Variants in GDPD4 observed in about 807,000 individuals in gnomAD.
GDPD4 encodes glycerophosphodiester phosphodiesterase domain containing 4.
In GDPD4, 60 loss-of-function variants were observed where a neutral mutation model predicts 67.8. The ratio of observed to expected loss-of-function variants is 0.88; its 90% CI spans 0.72 to 1.10. The LOEUF (loss-of-function observed/expected upper bound fraction) is 1.10. GDPD4 is among the 50% of genes least tolerant of loss of function. The pLI, the probability that GDPD4 is intolerant of heterozygous loss-of-function variation, is 0.00. For missense variants in GDPD4, 623 were observed against 613.9 expected (o/e 1.01, Z -0.16); for synonymous variants, 212 against 210.9 (o/e 1.00, Z -0.04).
chr11:77,250,876 G>A (rs1195925789), intron 11 of GDPD4, among the ~76,000 whole-genome samples: 1 of 151,986 alleles, frequency 6.6e-6, no homozygotes, highest in East Asian at 1.9e-4. Context: ...ACATCTTCTT[G>A]GTGAATTGAT....
At chr11:77,268,779 C>T in intron 9 of GDPD4, 145 bp downstream of exon 9, 2 of 892,288 alleles carry the variant, frequency 2.2e-6, no homozygotes, top group Non-Finnish European at 3.5e-6. Context: ...GATTCAAGTC[C>T]AGCCTTTACA....
chr11:77,223,243 C>G (rs908266025), intron 16 of GDPD4, among the ~76,000 whole-genome samples: 2 of 152,210 alleles, frequency 1.3e-5, no homozygotes, highest in African/African-American at 4.8e-5. Context: ...CATTCTCCAT[C>G]CAGCTTTGTT....
intron 11 of GDPD4, among the ~76,000 whole-genome samples, chr11:77,247,206 A>G (rs1227759177): frequency 2.6e-5 from 4 of 152,166 alleles, no homozygotes; most frequent in Admixed American, 2.6e-4. Flanking sequence ...TTTAGATCTG[A>G]TTGAAAGCTA....
Position 77,227,851 on chromosome 11 carries a change from CCT to C in GDPD4, c.1525+11_1525+12del. On this transcript the variant is annotated intron_variant, in intron 16 of 16. Coordinates refer to ENST00000315938, the MANE Select transcript of GDPD4 (RefSeq NM_182833.3). The stretch of plus-strand genomic sequence containing the variant: ...GATGAAGAGACAGGAGTGGGCTAGG[CCT>C]CTGACTTTACCTGTGCGAGTGCTGG... The C allele has an allele frequency of 6.2e-7, 1 of 1,604,740 alleles. No homozygotes were observed. The highest frequency in any genetic ancestry group is 8.5e-7 in the Non-Finnish European group (1 of 1,171,770).
At chr11:77,243,420 A>C (rs1000616585) in intron 13 of GDPD4, among the ~76,000 whole-genome samples, 2 of 151,986 alleles carry the variant, frequency 1.3e-5, no homozygotes, top group Non-Finnish European at 2.9e-5. Flanking sequence ...CAAGCATACA[A>C]AAAAGTGTAC....
rs1248621455 is a variant in GDPD4 at position 77,258,419 on chromosome 11, A to G, written c.831T>C (p.Thr277=). 8 of 1,614,030 alleles carry G rather than the reference A, an allele frequency of 5.0e-6. No individual in the cohort carries two copies. The highest frequency in any genetic ancestry group is 1.1e-5 in the South Asian group (1 of 91,086). ...TTACAAACCATTTGCCTGCATTCAG[A>G]GTCGATAGGAAATCCCAGTTGAAGA... The part of the protein sequence containing the change: ...PAFFNWDFLS[T]LNAGKWFVKP... The change falls in exon 11 of 17, where the codon ACT becomes ACC. Residue 277 remains threonine, a synonymous_variant. Transcript: ENST00000315938.
intron 10 of GDPD4, among the ~76,000 whole-genome samples, chr11:77,267,293 T>C (rs1189029994): frequency 6.6e-6 from 1 of 152,216 alleles, no homozygotes; most frequent in African/African-American, 2.4e-5. Context: ...CTCTATGATA[T>C]TCACACAGTG....
rs200939714 is a variant in GDPD4, at chr11:77,217,238, C to T, written c.*39G>A. The T allele has an allele frequency of 2.0e-4, 311 of 1,517,736 alleles. No homozygotes were observed. The highest frequency in any genetic ancestry group is 1.7e-4 in the Middle Eastern group (1 of 5,896). The allele number at this position is 1,517,736 out of a possible 1,614,324, so 94.0% of individuals were successfully genotyped here. On this transcript the variant is annotated 3_prime_UTR_variant, in exon 17 of 17. Coordinates refer to ENST00000315938, the MANE Select transcript of GDPD4 (RefSeq NM_182833.3). Reference sequence around the variant, plus strand: ...TAGAGTCCAAGGACCTTCCACAACTCGGACAGGAGGTTTCATGGCTATGTG... The same window carrying T: ...TAGAGTCCAAGGACCTTCCACAACTTGGACAGGAGGTTTCATGGCTATGTG...
chr11:77,236,422 T>C (rs1330376377), intron 13 of GDPD4, among the ~76,000 whole-genome samples: 1 of 152,042 alleles, frequency 6.6e-6, no homozygotes, highest in African/African-American at 2.4e-5. Context: ...TTACTGGACC[T>C]AACATTCCAA....
At chr11:77,288,584 C>T (rs7951232) in intron 1 of GDPD4, among the ~76,000 whole-genome samples, 8,209 of 152,194 alleles carry the variant, frequency 0.054, 784 homozygotes, top group African/African-American at 0.19. Flanking sequence ...GACTATACTA[C>T]TGCATGAACC....
intron 1 of GDPD4, among the ~76,000 whole-genome samples, chr11:77,290,092 C>T (rs1325087902): frequency 6.6e-6 from 1 of 152,140 alleles, no homozygotes; most frequent in African/African-American, 2.4e-5. Context: ...AGGTCTTCTC[C>T]AAGGCACTTT....
chr11:77,261,632 T>C (rs556870702), intron 10 of GDPD4, among the ~76,000 whole-genome samples: 225 of 152,352 alleles, frequency 1.5e-3, no homozygotes, highest in African/African-American at 5.3e-3. Flanking sequence ...TTTCTTCCAT[T>C]TGAAAGCTCA....
At chr11:77,253,990 T>C (rs556520952) in intron 11 of GDPD4, among the ~76,000 whole-genome samples, 1 of 152,082 alleles carries the variant, frequency 6.6e-6, no homozygotes, top group East Asian at 1.9e-4. Context: ...GGCCTGGGGA[T>C]GTTAGGCCAC....
At chr11:77,276,886 C>G (rs1312934795) in intron 4 of GDPD4, among the ~76,000 whole-genome samples, 4 of 151,848 alleles carry the variant, frequency 2.6e-5, no homozygotes, top group African/African-American at 9.7e-5. Context: ...CTATATTATA[C>G]CATTTTATTA....
In GDPD4 at chr11:77,257,249, G is replaced by T. The variant is rs112120966; in HGVS notation, c.864+1137C>A. Among the ~76,000 whole-genome samples the T allele has an allele frequency of 3.3e-3, 509 of 152,252 alleles. 1 individual carries two copies. The highest frequency in any genetic ancestry group is 0.011 in the African/African-American group (473 of 41,562). ...AAAATCAAAGTCTCAAATGAGTATA[G>T]CTGATTGGTCAGAACCTAGGTCACA... On this transcript the variant is annotated intron_variant, in intron 11 of 16. Coordinates refer to ENST00000315938, the MANE Select transcript of GDPD4 (RefSeq NM_182833.3).
intron 16 of GDPD4, among the ~76,000 whole-genome samples, chr11:77,226,333 C>T (rs373386319): frequency 5.3e-5 from 8 of 152,078 alleles, no homozygotes; most frequent in Admixed American, 2.0e-4. Context: ...GGAGACAGGG[C>T]ACTTCAGGAG....
At chr11:77,219,482 G>C (rs1958186477) in intron 16 of GDPD4, among the ~76,000 whole-genome samples, 1 of 152,276 alleles carries the variant, frequency 6.6e-6, no homozygotes, top group Middle Eastern at 3.4e-3. Flanking sequence ...TATTGCCTAG[G>C]TTTTCTTCTA....
At chr11:77,266,957 A>G (rs941330624) in intron 10 of GDPD4, among the ~76,000 whole-genome samples, 8 of 152,222 alleles carry the variant, frequency 5.3e-5, no homozygotes, top group Non-Finnish European at 1.2e-4. Context: ...TAAAGTCTTC[A>G]GTAGTGTACA....
rs558499950 is a variant in GDPD4 at position 77,295,513 on chromosome 11, T to G, written c.-254+6092A>C. Reference sequence around the variant, plus strand: ...CAGATGTGGTGGCGCACACCTGTAGTCCCAGCTACTCAGGAGGCTGAGGCA... The same window carrying G: ...CAGATGTGGTGGCGCACACCTGTAGGCCCAGCTACTCAGGAGGCTGAGGCA... On this transcript the variant is annotated intron_variant, in intron 1 of 16. Transcript: ENST00000315938. Among the ~76,000 whole-genome samples, 125 of 152,116 alleles carry G rather than the reference T, an allele frequency of 8.2e-4. 2 individuals carry two copies. In the South Asian group the frequency reaches 0.026, roughly 31 times the overall value.
Sources: allele counts gnomAD v4.1 joint callset (sites outside exome capture counted in the v4.1 genomes callset), GRCh38; gene constraint gnomAD v4.1.1; transcripts MANE v1.5; gene names NCBI Gene and HGNC (gene_info 2026-07-23, HGNC 2026-07-21).